PRKCH: variants seen among roughly 807,000 people sequenced by gnomAD.
PRKCH encodes protein kinase C eta type.
A neutral mutation model predicts 82.5 loss-of-function variants in PRKCH; 28 were observed. That is an observed-to-expected ratio of 0.34 (90% CI 0.25 to 0.47). PRKCH has a LOEUF of 0.47. Ranked by LOEUF, PRKCH falls within the 20% of genes least tolerant of loss-of-function variation. The pLI is 1.00. For missense variants in PRKCH, 705 were observed against 881.8 expected (o/e 0.80, Z 2.54); for synonymous variants, 322 against 327.4 (o/e 0.98, Z 0.18).
At chr14:61,376,467 T>C (rs903209696) in intron 1 of PRKCH, among the ~76,000 whole-genome samples, 5 of 152,186 alleles carry the variant, frequency 3.3e-5, no homozygotes, top group Admixed American at 2.0e-4. Flanking sequence ...ATCAGTATTT[T>C]TAAAAACCAG....
intron 1 of PRKCH, among the ~76,000 whole-genome samples, chr14:61,360,361 C>T (rs779492194): frequency 6.6e-5 from 10 of 152,074 alleles, no homozygotes; most frequent in East Asian, 3.9e-4. Flanking sequence ...AAAAATTAGA[C>T]GGGCATGGTG....
At chr14:61,460,445 A>AT (rs529217498) in intron 9 of PRKCH, among the ~76,000 whole-genome samples, 241 of 152,288 alleles carry the variant, frequency 1.6e-3, no homozygotes, top group African/African-American at 4.9e-3. Context: ...TCACATTTTG[A>AT]TTGAGTTCAA....
chr14:61,386,684 C>T (rs1479146772), intron 1 of PRKCH, among the ~76,000 whole-genome samples: 2 of 152,150 alleles, frequency 1.3e-5, no homozygotes, highest in African/African-American at 4.8e-5. Flanking sequence ...GAGATGAAGA[C>T]AGACACATCT....
At chr14:61,538,580 C>A (rs1261809121) in intron 12 of PRKCH, among the ~76,000 whole-genome samples, 4 of 152,180 alleles carry the variant, frequency 2.6e-5, no homozygotes, top group Admixed American at 2.0e-4. Flanking sequence ...ACTCATGCTG[C>A]ATGTCTCATT....
In PRKCH at chr14:61,459,914, G is replaced by C. The variant is rs550099674; in HGVS notation, c.1278+2235G>C. 3.5e-3 allele frequency among the ~76,000 whole-genome samples: 539 copies of C among 152,228 alleles called. 4 individuals carry two copies. The highest frequency in any genetic ancestry group is 6.0e-3 in the Non-Finnish European group (410 of 68,014). On this transcript the variant is annotated intron_variant, in intron 9 of 13. Coordinates refer to ENST00000332981, the MANE Select transcript of PRKCH (RefSeq NM_006255.5). ...AGGCTGGAGTGCAGTGACGGTTATG[G>C]CTCACTGCAGCCTCAAGCTCCCAGG...
At chr14:61,326,211 A>G (rs1435230668) in intron 1 of PRKCH, among the ~76,000 whole-genome samples, 1 of 152,250 alleles carries the variant, frequency 6.6e-6, no homozygotes, top group African/African-American at 2.4e-5. Flanking sequence ...CAACAGATGA[A>G]TGTTTAAACA....
chr14:61,281,870 C>CTTTTTTTTTTTTTTT (rs71117807), intron 1 of PRKCH: 1 of 94,862 alleles, frequency 1.1e-5, no homozygotes, highest in African/African-American at 5.0e-5. Flanking sequence ...CAAATTTTAG[C>CTTTTTTTTTTTTTTT]TTTTTTTTTT....
chr14:61,243,487 G>A (rs1221991835), intron 1 of PRKCH, among the ~76,000 whole-genome samples: 3 of 151,946 alleles, frequency 2.0e-5, no homozygotes, highest in Non-Finnish European at 2.9e-5. Flanking sequence ...CAAAGAGCCT[G>A]AGGCATACAG....
chr14:61,534,764 C>T (rs1034462845), intron 12 of PRKCH, among the ~76,000 whole-genome samples: 1 of 152,150 alleles, frequency 6.6e-6, no homozygotes, highest in Non-Finnish European at 1.5e-5. Context: ...GGAAAGAACA[C>T]ACCCTAGACC....
intron 1 of PRKCH, among the ~76,000 whole-genome samples, chr14:61,352,640 A>G (rs570292606): frequency 2.0e-5 from 3 of 147,568 alleles, no homozygotes; most frequent in African/African-American, 7.7e-5. Context: ...ACTCCATCTC[A>G]AAAGAAAGAA....
chr14:61,496,367 C>G (rs1229273921), intron 10 of PRKCH, among the ~76,000 whole-genome samples: 1 of 152,208 alleles, frequency 6.6e-6, no homozygotes, highest in Non-Finnish European at 1.5e-5. Context: ...GTGGTGGAAT[C>G]TACAATTCCA....
At chr14:61,198,379 C>T (rs1206080733) in intron 1 of PRKCH, among the ~76,000 whole-genome samples, 3 of 152,192 alleles carry the variant, frequency 2.0e-5, no homozygotes, top group Admixed American at 2.0e-4. Context: ...GCCTTATGTA[C>T]ACTGTTTCCT....
chr14:61,284,909 G>A (rs894628409), intron 1 of PRKCH, among the ~76,000 whole-genome samples: 5 of 151,594 alleles, frequency 3.3e-5, no homozygotes, highest in African/African-American at 1.2e-4. Flanking sequence ...TATTCTAGTT[G>A]TCAAATTACC....
intron 2 of PRKCH, among the ~76,000 whole-genome samples, chr14:61,412,454 T>G (rs1882316803): frequency 6.6e-6 from 1 of 152,208 alleles, no homozygotes; most frequent in Admixed American, 6.5e-5. Flanking sequence ...ACCTGGCCCC[T>G]GCTAATTTAT....
intron 2 of PRKCH, among the ~76,000 whole-genome samples, chr14:61,414,706 C>G (rs143269217): frequency 7.1e-4 from 105 of 148,118 alleles, no homozygotes; most frequent in African/African-American, 2.5e-3. Flanking sequence ...GTCTTGAACT[C>G]CTAACCTCGT....
chr14:61,467,883 G>A (rs189174928), intron 9 of PRKCH, among the ~76,000 whole-genome samples: 40 of 152,280 alleles, frequency 2.6e-4, no homozygotes, highest in African/African-American at 9.4e-4. Context: ...AAAGCATCCA[G>A]GGAAGAGTAT....
intron 1 of PRKCH, among the ~76,000 whole-genome samples, chr14:61,244,695 G>A (rs2044865764): frequency 6.6e-6 from 1 of 152,180 alleles, no homozygotes; most frequent in South Asian, 2.1e-4. Context: ...CGGGCATCTG[G>A]TAGTCAACCT....
chr14:61,525,457 G>C (rs1414807862), intron 10 of PRKCH, among the ~76,000 whole-genome samples: 1 of 152,158 alleles, frequency 6.6e-6, no homozygotes, highest in African/African-American at 2.4e-5. Context: ...GGCATCCTGT[G>C]ACCAGGATGA....
chr14:61,240,408 CT>C (rs566055688), intron 1 of PRKCH, among the ~76,000 whole-genome samples: 66 of 152,230 alleles, frequency 4.3e-4, no homozygotes, highest in African/African-American at 1.5e-3. Flanking sequence ...CCCACCCTAG[CT>C]TTTAATACGC....
Sources: gnomAD v4.1 joint callset for allele counts (sites outside exome capture counted in the v4.1 genomes callset) on GRCh38, gnomAD v4.1.1 for gene constraint, MANE v1.5 for transcripts, NCBI Gene and HGNC (gene_info 2026-07-23, HGNC 2026-07-21) for gene names.